The following NCAM2 variants were observed in gnomAD, a reference collection of about 807,000 sequenced individuals.
NCAM2 encodes neural cell adhesion molecule 2, also known as N-CAM-2.
In NCAM2, 30 loss-of-function variants were observed where a neutral mutation model predicts 98.1. The ratio of observed to expected loss-of-function variants is 0.31; its 90% CI spans 0.23 to 0.41. The LOEUF (loss-of-function observed/expected upper bound fraction) is 0.41, where lower values mean the gene tolerates loss of function less well. Among genes scored for constraint, NCAM2 ranks in the 10% least tolerant of loss-of-function variants. The pLI is 1.00. For synonymous variants in NCAM2, 368 were observed against 342.4 expected (o/e 1.07, Z -0.83); for missense variants, 867 against 1,005.8 (o/e 0.86, Z 1.87).
At chr21:21,280,679 A>G (rs2072898464) in intron 2 of NCAM2, 27 bp downstream of exon 2, 1 of 1,400,438 alleles carries the variant, frequency 7.1e-7, no homozygotes, top group Admixed American at 2.4e-5. Flanking sequence ...ATACCTTCAG[A>G]TAACGTGGTT....
intron 8 of NCAM2, among the ~76,000 whole-genome samples, chr21:21,359,472 A>G (rs998503465): frequency 6.6e-5 from 10 of 151,990 alleles, no homozygotes; most frequent in African/African-American, 2.4e-4. Context: ...ATAATTCTAG[A>G]TAATATTTTT....
intron 1 of NCAM2, among the ~76,000 whole-genome samples, chr21:21,049,807 G>A (rs974275092): frequency 2.0e-5 from 3 of 151,622 alleles, no homozygotes; most frequent in African/African-American, 7.3e-5. Context: ...GGAGGCGGAG[G>A]TTGCAGTGAG....
intron 1 of NCAM2, among the ~76,000 whole-genome samples, chr21:21,272,591 T>C (rs2072556044): frequency 6.6e-6 from 1 of 151,786 alleles, no homozygotes; most frequent in Non-Finnish European, 1.5e-5. Flanking sequence ...TGCAGAATAT[T>C]CACTAGAGCA....
chr21:21,062,051 G>A (rs2065334212), intron 1 of NCAM2, among the ~76,000 whole-genome samples: 1 of 152,042 alleles, frequency 6.6e-6, no homozygotes, highest in Admixed American at 6.6e-5. Flanking sequence ...AATGATAAAG[G>A]GAGGTATCAC....
At chr21:21,210,258 A>G (rs2069597581) in intron 1 of NCAM2, among the ~76,000 whole-genome samples, 1 of 152,218 alleles carries the variant, frequency 6.6e-6, no homozygotes, top group Non-Finnish European at 1.5e-5. Flanking sequence ...TACTGAACTT[A>G]GGCAATAGAT....
At chr21:21,075,377 C>A (rs1009887598) in intron 1 of NCAM2, among the ~76,000 whole-genome samples, 1 of 152,076 alleles carries the variant, frequency 6.6e-6, no homozygotes, top group African/African-American at 2.4e-5. Context: ...AGTTCATTTT[C>A]TTATATTGAT....
chr21:21,183,632 C>G (rs999276241), intron 1 of NCAM2, among the ~76,000 whole-genome samples: 4 of 152,150 alleles, frequency 2.6e-5, no homozygotes, highest in Non-Finnish European at 5.9e-5. Flanking sequence ...GTAAATTAAT[C>G]AGGTGTGACA....
chr21:21,033,792 G>A (rs1424615816), intron 1 of NCAM2, among the ~76,000 whole-genome samples: 4 of 152,070 alleles, frequency 2.6e-5, no homozygotes, highest in Non-Finnish European at 4.4e-5. Flanking sequence ...AGAAAGCCTG[G>A]CTGTTTATTT....
At chr21:21,390,970 A>G (rs1268773074) in intron 9 of NCAM2, among the ~76,000 whole-genome samples, 1 of 152,174 alleles carries the variant, frequency 6.6e-6, no homozygotes, top group Non-Finnish European at 1.5e-5. Flanking sequence ...AAAACAAACA[A>G]TATTTCTGTA....
chr21:21,254,898 T>TTGTG (rs34003442), intron 1 of NCAM2, among the ~76,000 whole-genome samples: 20 of 147,776 alleles, frequency 1.4e-4, no homozygotes, highest in African/African-American at 3.0e-4. Flanking sequence ...GGATAATAGT[T>TTGTG]TGTGTGTGTG....
chr21:21,381,235 A>G (rs1203870988), intron 9 of NCAM2, among the ~76,000 whole-genome samples: 1 of 152,168 alleles, frequency 6.6e-6, no homozygotes, highest in Non-Finnish European at 1.5e-5. Context: ...AAATGTAAAG[A>G]CCATCCTCAT....
At chr21:21,307,317 T>C (rs2073914360) in intron 5 of NCAM2, among the ~76,000 whole-genome samples, 1 of 152,202 alleles carries the variant, frequency 6.6e-6, no homozygotes, top group Non-Finnish European at 1.5e-5. Context: ...TTTCAAATGC[T>C]GTTGCACTAC....
chr21:21,145,211 C>T (rs1375764228), intron 1 of NCAM2, among the ~76,000 whole-genome samples: 1 of 152,032 alleles, frequency 6.6e-6, no homozygotes, highest in African/African-American at 2.4e-5. Context: ...TTTTGAAGCC[C>T]ATGCTAATAT....
At chr21:21,530,352 A>G (rs1989620837) in intron 16 of NCAM2, among the ~76,000 whole-genome samples, 1 of 135,446 alleles carries the variant, frequency 7.4e-6, no homozygotes, top group South Asian at 2.3e-4. Context: ...ATTAAATTAA[A>G]ATATAATTTG....
chr21:21,298,034 G>A (rs561847424), intron 5 of NCAM2, among the ~76,000 whole-genome samples: 99 of 151,760 alleles, frequency 6.5e-4, no homozygotes, highest in African/African-American at 2.3e-3. Flanking sequence ...AGAGATGTCC[G>A]TACAAATGAG....
At position 21,172,050 on chromosome 21, in the gene NCAM2, T is replaced by C. The variant is rs977410870; in HGVS notation, c.56-108528T>C. Reference sequence around the variant, plus strand: ...ATAAATCAGCATAACACACATGGGCTGTGGCTTTTCCACATTTTGACTTTT... The same window carrying C: ...ATAAATCAGCATAACACACATGGGCCGTGGCTTTTCCACATTTTGACTTTT... On this transcript the variant is annotated intron_variant, in intron 1 of 17. Transcript: ENST00000400546. Among the ~76,000 whole-genome samples, 18 of 152,184 alleles carry C rather than the reference T, an allele frequency of 1.2e-4. 1 individual carries two copies. The highest frequency in any genetic ancestry group is 5.9e-5 in the Non-Finnish European group (4 of 68,010).
chr21:21,322,906 TGTTAGTGGGA>T (rs2074415194), intron 5 of NCAM2, among the ~76,000 whole-genome samples: 1 of 152,192 alleles, frequency 6.6e-6, no homozygotes, highest in Admixed American at 6.6e-5. Flanking sequence ...ACCACGTCCA[TGTTAGTGGGA>T]GTTAATAGAA....
chr21:21,306,795 C>CT (rs900368443), intron 5 of NCAM2, among the ~76,000 whole-genome samples: 1 of 152,004 alleles, frequency 6.6e-6, no homozygotes. Flanking sequence ...CTTATTGATT[C>CT]TTTCTATTTT....
chr21:21,065,112 G>A (rs933072540), intron 1 of NCAM2, among the ~76,000 whole-genome samples: 30 of 150,354 alleles, frequency 2.0e-4, no homozygotes, highest in African/African-American at 6.6e-4. Context: ...CCGGGGAGGC[G>A]GAGGTTGCAG....
Sources: allele counts gnomAD v4.1 joint callset (sites outside exome capture counted in the v4.1 genomes callset), GRCh38; gene constraint gnomAD v4.1.1; transcripts MANE v1.5; gene names NCBI Gene and HGNC (gene_info 2026-07-23, HGNC 2026-07-21).